The following SLC1A2 variants were observed in gnomAD, a reference collection of about 807,000 sequenced individuals.
SLC1A2 encodes excitatory amino acid transporter 2.
SLC1A2 carries 15 observed loss-of-function variants against 48.8 expected under a neutral mutation model. The observed-to-expected ratio is 0.31, with a 90% CI of 0.21 to 0.47. The LOEUF (loss-of-function observed/expected upper bound fraction) is 0.47, where lower values mean the gene tolerates loss of function less well. Among genes scored for constraint, SLC1A2 ranks in the 20% least tolerant of loss-of-function variants. The probability of loss-of-function intolerance (pLI) is 0.99; values close to 1 mark genes in which losing one functional copy is unlikely to be tolerated. For synonymous variants in SLC1A2, 279 were observed against 272.6 expected, an observed-to-expected ratio of 1.02 and a Z score of -0.23; for missense variants, 502 against 730.5, an observed-to-expected ratio of 0.69 and a Z score of 3.61.
intron 1 of SLC1A2, among the ~76,000 whole-genome samples, chr11:35,379,092 G>T (rs184630210): frequency 6.6e-6 from 1 of 152,262 alleles, no homozygotes; most frequent in East Asian, 1.9e-4. Context: ...GCCAGGCGTG[G>T]TGGTGACATG....
rs939832591 is a variant in SLC1A2 at position 35,258,474 on chromosome 11, T to C, written c.*2420A>G. Reference sequence around the variant, plus strand: ...CCATTGAGAAACATGCCCATGTATATAGATCCCAAAGCTGGCCTTCCATAG... The same window carrying C: ...CCATTGAGAAACATGCCCATGTATACAGATCCCAAAGCTGGCCTTCCATAG... On this transcript the variant is annotated 3_prime_UTR_variant, in exon 11 of 11. Coordinates refer to ENST00000278379, the MANE Select transcript of SLC1A2 (RefSeq NM_004171.4). 6.6e-6 allele frequency: 1 copy of C among 152,646 alleles called. No homozygotes were observed. Among genetic ancestry groups the C allele is most frequent in the African/African-American group, 2.4e-5 (1 of 41,460 alleles). The allele number at this position is 152,646 out of a possible 1,614,324, so 9.5% of individuals were successfully genotyped here.
intron 3 of SLC1A2, among the ~76,000 whole-genome samples, 198 bp downstream of exon 3, chr11:35,314,825 A>T (rs1851820920): frequency 6.6e-6 from 1 of 151,212 alleles, no homozygotes; most frequent in Non-Finnish European, 1.5e-5. Flanking sequence ...AGAAAGACAA[A>T]TAGACTGACT....
In SLC1A2 at chr11:35,292,149, C is replaced by T. The variant is rs183091194; in HGVS notation, c.1091+138G>A. The stretch of plus-strand genomic sequence containing the variant: ...GAAGGAGACAAAAATTCAAATCATT[C>T]GCCTTTTCCAAAAGATCTTAGTAAT... On this transcript the variant is annotated intron_variant, in intron 7 of 10. Transcript: ENST00000278379. The T allele has an allele frequency of 3.2e-3, 2,203 of 696,366 alleles. 8 individuals are homozygous for T. The highest frequency in any genetic ancestry group is 0.013 in the Middle Eastern group (30 of 2,340). 43.1% of individuals were successfully genotyped at this position (696,366 alleles called of 1,614,324 possible).
At chr11:35,281,174 G>A (rs1043888472) in intron 8 of SLC1A2, among the ~76,000 whole-genome samples, 173 bp from the exon 9 acceptor site, 1 of 151,924 alleles carries the variant, frequency 6.6e-6, no homozygotes, top group Non-Finnish European at 1.5e-5. Context: ...AAGGAATTAA[G>A]GATTAAGGCC....
At chr11:35,290,277 C>T (rs1399413638) in intron 7 of SLC1A2, among the ~76,000 whole-genome samples, 1 of 152,110 alleles carries the variant, frequency 6.6e-6, no homozygotes, top group Non-Finnish European at 1.5e-5. Context: ...TTGTCACAGC[C>T]CTGTTTAATA....
At position 35,257,495 on chromosome 11, in the gene SLC1A2, T is replaced by C. The variant is rs1190925796; in HGVS notation, c.*3399A>G. The C allele has an allele frequency of 6.6e-6, 1 of 152,202 alleles. No homozygotes were observed. The highest frequency in any genetic ancestry group is 1.9e-4 in the East Asian group (1 of 5,194). The allele number at this position is 152,202 out of a possible 1,614,324, so 9.4% of individuals were successfully genotyped here. On this transcript the variant is annotated 3_prime_UTR_variant, in exon 11 of 11. Coordinates refer to ENST00000278379, the MANE Select transcript of SLC1A2 (RefSeq NM_004171.4). Reference sequence around the variant, plus strand: ...AACTGATAGCTATGTGGTTCAGCTCTCATAACCTAGAGTCCTATGTTGAAG... The same window carrying C: ...AACTGATAGCTATGTGGTTCAGCTCCCATAACCTAGAGTCCTATGTTGAAG...
At chr11:35,381,578 G>A (rs1035926884) in intron 1 of SLC1A2, among the ~76,000 whole-genome samples, 3 of 151,724 alleles carry the variant, frequency 2.0e-5, no homozygotes, top group Non-Finnish European at 4.4e-5. Context: ...AGAACAGCCC[G>A]AAAAATCTTC....
intron 1 of SLC1A2, among the ~76,000 whole-genome samples, chr11:35,378,673 T>C (rs1854319835): frequency 6.6e-6 from 1 of 152,206 alleles, no homozygotes; most frequent in Non-Finnish European, 1.5e-5. Flanking sequence ...GATTGATAAG[T>C]CTTGTGCCTT....
intron 6 of SLC1A2, among the ~76,000 whole-genome samples, chr11:35,295,999 T>C (rs1162996665): frequency 6.6e-6 from 1 of 152,186 alleles, no homozygotes; most frequent in African/African-American, 2.4e-5. Context: ...CCTTGGGGCA[T>C]TTATATTTTA....
chr11:35,305,910 T>C (rs558438311), intron 5 of SLC1A2, among the ~76,000 whole-genome samples, 164 bp downstream of exon 5: 123 of 152,208 alleles, frequency 8.1e-4, no homozygotes, highest in Middle Eastern at 6.8e-3. Flanking sequence ...TCTCTCTTCC[T>C]TAAATCGCTC....
intron 4 of SLC1A2, among the ~76,000 whole-genome samples, chr11:35,307,628 G>C (rs1851553933): frequency 6.6e-6 from 1 of 152,226 alleles, no homozygotes; most frequent in African/African-American, 2.4e-5. Flanking sequence ...AGATGTACGG[G>C]AAAGTCAAGT....
intron 1 of SLC1A2, among the ~76,000 whole-genome samples, chr11:35,400,570 T>C (rs769765648): frequency 2.6e-5 from 4 of 152,218 alleles, no homozygotes; most frequent in Non-Finnish European, 5.9e-5. Flanking sequence ...CTATGATGAA[T>C]AAATTCGTTA....
intron 1 of SLC1A2, among the ~76,000 whole-genome samples, chr11:35,357,575 G>T (rs1043140763): frequency 9.2e-5 from 14 of 152,206 alleles, no homozygotes; most frequent in African/African-American, 3.1e-4. Flanking sequence ...TATAAAATAA[G>T]AAAACTGGAA....
chr11:35,416,730 TTCAA>T (rs757592564), intron 1 of SLC1A2, among the ~76,000 whole-genome samples: 1 of 152,262 alleles, frequency 6.6e-6, no homozygotes, highest in South Asian at 2.1e-4. Flanking sequence ...AGGAAACAAT[TTCAA>T]TATTGTTAGA....
chr11:35,276,997 C>T (rs1469706846), intron 9 of SLC1A2, among the ~76,000 whole-genome samples: 2 of 152,126 alleles, frequency 1.3e-5, no homozygotes, highest in South Asian at 2.1e-4. Flanking sequence ...CTTCTTTCTG[C>T]ATCATGACAT....
intron 1 of SLC1A2, among the ~76,000 whole-genome samples, chr11:35,400,325 G>A (rs891858648): frequency 2.0e-5 from 3 of 152,130 alleles, no homozygotes; most frequent in East Asian, 3.8e-4. Context: ...ATATACAGCC[G>A]TTAAACAAGT....
rs756217861 is a variant in SLC1A2, at chr11:35,306,046, C to G, written c.730+28G>C. Reference sequence around the variant, plus strand: ...GATAGCCCAGCCATTGCCAGGGAAGCAGAATCCCGGACCACCAGCTGGCCT... The same window carrying G: ...GATAGCCCAGCCATTGCCAGGGAAGGAGAATCCCGGACCACCAGCTGGCCT... On this transcript the variant is annotated intron_variant, in intron 5 of 10. Coordinates refer to ENST00000278379, the MANE Select transcript of SLC1A2 (RefSeq NM_004171.4). 6 of 1,607,620 alleles carry G rather than the reference C, an allele frequency of 3.7e-6. No homozygotes were observed. The Middle Eastern group carries it at 8.3e-4, about 222-fold the overall frequency.
chr11:35,390,418 T>A (rs757692546), intron 1 of SLC1A2, among the ~76,000 whole-genome samples: 7 of 152,154 alleles, frequency 4.6e-5, no homozygotes, highest in Non-Finnish European at 1.0e-4. Context: ...TTTAAGTAAG[T>A]TGCTTTCTTG....
chr11:35,273,526 G>T (rs3794101), intron 9 of SLC1A2, among the ~76,000 whole-genome samples: 4 of 152,072 alleles, frequency 2.6e-5, no homozygotes, highest in East Asian at 1.9e-4. Flanking sequence ...CCTCCACCAA[G>T]GCTGTTTTAT....
Sources: gnomAD v4.1 joint callset for allele counts (sites outside exome capture counted in the v4.1 genomes callset) on GRCh38, gnomAD v4.1.1 for gene constraint, MANE v1.5 for transcripts, NCBI Gene and HGNC (gene_info 2026-07-23, HGNC 2026-07-21) for gene names.